SEPHS1: variants seen among roughly 807,000 people sequenced by gnomAD.
SEPHS1 encodes selenophosphate synthetase 1, also known as zincore component SEPHS1.
SEPHS1 carries 7 observed loss-of-function variants against 39.2 expected under a neutral mutation model. That is an observed-to-expected ratio of 0.18 (90% CI 0.10 to 0.34). The LOEUF (loss-of-function observed/expected upper bound fraction) is 0.34, where lower values mean the gene tolerates loss of function less well. Ranked by LOEUF, SEPHS1 falls within the 10% of genes least tolerant of loss-of-function variation. SEPHS1 has a pLI of 1.00. For synonymous variants in SEPHS1, 190 were observed against 195.5 expected, an observed-to-expected ratio of 0.97 and a Z score of 0.23; for missense variants, 253 against 514.5, an observed-to-expected ratio of 0.49 and a Z score of 4.92.
chr10:13,321,813 G>A (rs1833127182), intron 8 of SEPHS1, among the ~76,000 whole-genome samples: 1 of 152,236 alleles, frequency 6.6e-6, no homozygotes, highest in Admixed American at 6.5e-5. Flanking sequence ...GGCAGGCCAT[G>A]CTGGAGTACC....
intron 4 of SEPHS1, 143 bp from the exon 5 acceptor site, chr10:13,334,114 G>T (rs1833553047): frequency 1.4e-6 from 1 of 728,898 alleles, no homozygotes; most frequent in African/African-American, 1.8e-5. Context: ...AAGGTTGTTA[G>T]GGGCCAGGCA....
At chr10:13,319,753 T>G (rs1721805492) in intron 8 of SEPHS1, among the ~76,000 whole-genome samples, 2 of 152,198 alleles carry the variant, frequency 1.3e-5, no homozygotes, top group South Asian at 4.1e-4. Context: ...GTGCTGAGAT[T>G]ACAGGAATGA....
intron 2 of SEPHS1, 73 bp downstream of exon 2, chr10:13,344,685 T>TG: frequency 9.2e-7 from 1 of 1,088,934 alleles, no homozygotes; most frequent in East Asian, 2.7e-5. Context: ...ATAGGCAACA[T>TG]GGGAGGCGAG....
chr10:13,320,606 G>A (rs1033106150), intron 8 of SEPHS1, among the ~76,000 whole-genome samples: 4 of 151,834 alleles, frequency 2.6e-5, no homozygotes, highest in South Asian at 2.1e-4. Flanking sequence ...TTGGGAGGCC[G>A]AGGCGGGTGG....
intron 8 of SEPHS1, among the ~76,000 whole-genome samples, chr10:13,322,328 T>TA (rs1833142571): frequency 1.3e-5 from 2 of 151,820 alleles, no homozygotes; most frequent in African/African-American, 4.8e-5. Context: ...GTATTTTTAG[T>TA]GAAGATGGGG....
At chr10:13,339,164 A>G (rs1443156029) in intron 2 of SEPHS1, among the ~76,000 whole-genome samples, 1 of 152,216 alleles carries the variant, frequency 6.6e-6, no homozygotes. Flanking sequence ...TGAAGATGAG[A>G]ATCCTATAAA....
At chr10:13,325,881 G>A (rs1290209557) in intron 7 of SEPHS1, among the ~76,000 whole-genome samples, 3 of 94,182 alleles carry the variant, frequency 3.2e-5, no homozygotes, top group Non-Finnish European at 5.6e-5. Context: ...CTGGGCGACA[G>A]CGAGACTCCG....
chr10:13,322,693 G>A, intron 8 of SEPHS1, 142 bp downstream of exon 8: 3 of 745,082 alleles, frequency 4.0e-6, no homozygotes, highest in Non-Finnish European at 6.6e-6. Flanking sequence ...AGGAGGAAAG[G>A]CACCAGCTGC....
intron 6 of SEPHS1, among the ~76,000 whole-genome samples, chr10:13,328,993 C>T (rs907563408): frequency 4.6e-5 from 7 of 152,170 alleles, no homozygotes; most frequent in African/African-American, 9.7e-5. Flanking sequence ...TGATGAAAGA[C>T]GTGTAATTAT....
rs1364434759 is a variant in SEPHS1 at position 13,317,468 on chromosome 10, A to G, written c.*1674T>C. The G allele has an allele frequency of 6.6e-6, 1 of 151,700 alleles. No individual in the cohort carries two copies. Among genetic ancestry groups the G allele is most frequent in the Non-Finnish European group, 1.5e-5 (1 of 67,996 alleles). 9.4% of individuals were successfully genotyped at this position (151,700 alleles called of 1,614,324 possible). A position where few individuals can be genotyped will look rare whatever the true frequency, so the allele number is the denominator to read the frequency against. On this transcript the variant is annotated 3_prime_UTR_variant, in exon 9 of 9. Coordinates refer to ENST00000327347, the MANE Select transcript of SEPHS1 (RefSeq NM_012247.5). ...GTTTCCAACACACTTTATTTTGCAG[A>G]CCACTGGTTTGTAGCTTTTGAGGAC...
At chr10:13,335,980 CAAA>C (rs1266329760) in intron 4 of SEPHS1, among the ~76,000 whole-genome samples, 3 of 93,416 alleles carry the variant, frequency 3.2e-5, no homozygotes, top group Non-Finnish European at 4.1e-5. Context: ...ACTCCTGTCT[CAAA>C]AAAAAAAAAA....
At chr10:13,319,825 C>T (rs1833048285) in intron 8 of SEPHS1, among the ~76,000 whole-genome samples, 1 of 152,168 alleles carries the variant, frequency 6.6e-6, no homozygotes, top group Non-Finnish European at 1.5e-5. Context: ...CTAGTAAACT[C>T]CTAACACACA....
At chr10:13,347,058 A>T (rs1833943043) in intron 1 of SEPHS1, among the ~76,000 whole-genome samples, 1 of 152,098 alleles carries the variant, frequency 6.6e-6, no homozygotes, top group African/African-American at 2.4e-5. Flanking sequence ...AACCAGGGGG[A>T]TCCATTTGCA....
In SEPHS1 at chr10:13,317,604, AGGC is replaced by A. The variant is rs1281921953; in HGVS notation, c.*1535_*1537del. 1.1e-4 allele frequency: 17 copies of A among 152,194 alleles called. No homozygotes were observed. The highest frequency in any genetic ancestry group is 4.1e-4 in the African/African-American group (17 of 41,442). 9.4% of individuals were successfully genotyped at this position (152,194 alleles called of 1,614,324 possible). ...TGGAGGTCCAGTTACACATGCATGAAGGCTGCCCTGCCCACTGGTTCCTGGAGG... is the reference window on the plus strand; with the variant it reads ...TGGAGGTCCAGTTACACATGCATGAATGCCCTGCCCACTGGTTCCTGGAGG... On this transcript the variant is annotated 3_prime_UTR_variant, in exon 9 of 9. Transcript: ENST00000327347.
At chr10:13,342,876 C>T (rs994127209) in intron 2 of SEPHS1, among the ~76,000 whole-genome samples, 2 of 152,050 alleles carry the variant, frequency 1.3e-5, no homozygotes, top group Admixed American at 1.3e-4. Context: ...GCTGAAACTA[C>T]AGGTGTACAC....
chr10:13,344,913 T>C lies in SEPHS1; in HGVS notation c.38A>G (p.Glu13Gly). ...TRESFNPESY[E>G]LDKSFRLTRF... is the part of the protein sequence containing the mutation. ...GGTTAGCCGGAAGCTTTTGTCCAAT[T>C]CGTAACTTTCCGGGTTAAAGGACTC... Residue 13 changes from glutamate to glycine, a missense_variant, in exon 2 of 9, where the codon GAA (glutamate) becomes GGA (glycine). Physicochemically the swap from Glu to Gly is moderately conservative, Grantham distance 98 (BLOSUM62 -2). Transcript: ENST00000327347. 4 of 1,595,626 alleles carry C rather than the reference T, an allele frequency of 2.5e-6. No individual in the cohort carries two copies. Among genetic ancestry groups the C allele is most frequent in the Non-Finnish European group, 3.4e-6 (4 of 1,170,084 alleles).
chr10:13,328,867 G>A (rs779966225), intron 6 of SEPHS1, among the ~76,000 whole-genome samples: 15 of 152,172 alleles, frequency 9.9e-5, no homozygotes, highest in Non-Finnish European at 1.6e-4. Flanking sequence ...CAACATCCCC[G>A]CAGTGGCCTT....
intron 2 of SEPHS1, among the ~76,000 whole-genome samples, chr10:13,339,084 T>G (rs1833719223): frequency 6.6e-6 from 1 of 152,232 alleles, no homozygotes; most frequent in Non-Finnish European, 1.5e-5. Flanking sequence ...TAAAAATCTT[T>G]TTCACTGTAT....
intron 2 of SEPHS1, chr10:13,340,757 T>C (rs917204353): frequency 6.6e-6 from 1 of 152,272 alleles, no homozygotes; most frequent in Non-Finnish European, 1.5e-5. Context: ...CGGGGGATTC[T>C]TGAGCACGCC....
Sources: allele counts gnomAD v4.1 joint callset (sites outside exome capture counted in the v4.1 genomes callset), GRCh38; gene constraint gnomAD v4.1.1; transcripts MANE v1.5; gene names NCBI Gene and HGNC (gene_info 2026-07-23, HGNC 2026-07-21).